KCNT2: variants seen among roughly 807,000 people sequenced by gnomAD.
KCNT2 encodes potassium channel subfamily T member 2.
In KCNT2, 67 loss-of-function variants were observed where a neutral mutation model predicts 153.8. The observed-to-expected ratio is 0.44, with a 90% CI of 0.36 to 0.53. KCNT2 has a LOEUF of 0.53. Ranked by LOEUF, KCNT2 falls within the 20% of genes least tolerant of loss-of-function variation. The pLI is 0.00. For missense variants in KCNT2, 975 were observed against 1,354.8 expected, an observed-to-expected ratio of 0.72 and a Z score of 4.40; for synonymous variants, 500 against 458.8, an observed-to-expected ratio of 1.09 and a Z score of -1.15.
intron 1 of KCNT2, among the ~76,000 whole-genome samples, chr1:196,560,795 T>G (rs1422385002): frequency 6.6e-6 from 1 of 152,014 alleles, no homozygotes; most frequent in African/African-American, 2.4e-5. Flanking sequence ...CCTTGTCCTC[T>G]TCCTTGAGGA....
intron 1 of KCNT2, among the ~76,000 whole-genome samples, chr1:196,548,808 T>C (rs1657483305): frequency 6.6e-6 from 1 of 152,088 alleles, no homozygotes; most frequent in African/African-American, 2.4e-5. Context: ...ATATACACCA[T>C]GGAATACTAT....
At chr1:196,319,349 A>C in intron 20 of KCNT2, 135 bp downstream of exon 20, 1 of 480,582 alleles carries the variant, frequency 2.1e-6, no homozygotes, top group East Asian at 3.2e-5. Flanking sequence ...CGAGAACATA[A>C]GCTCTACATG....
intron 1 of KCNT2, among the ~76,000 whole-genome samples, chr1:196,518,448 T>C (rs893878219): frequency 7.0e-6 from 1 of 143,484 alleles, no homozygotes; most frequent in Non-Finnish European, 1.5e-5. Flanking sequence ...AATCTCACCA[T>C]TTAAAAAGTA....
chr1:196,327,499 A>C (rs954207583), intron 18 of KCNT2, among the ~76,000 whole-genome samples: 2 of 152,126 alleles, frequency 1.3e-5, no homozygotes, highest in African/African-American at 4.8e-5. Flanking sequence ...AGAATTTGAC[A>C]GAATTAGCGT....
chr1:196,489,107 T>C (rs1572622052), intron 3 of KCNT2, among the ~76,000 whole-genome samples: 1 of 151,850 alleles, frequency 6.6e-6, no homozygotes, highest in African/African-American at 2.4e-5. Flanking sequence ...GGGAGAAGAA[T>C]GTTAAAAGCC....
chr1:196,445,368 T>C (rs991359430), intron 8 of KCNT2, among the ~76,000 whole-genome samples: 5 of 151,322 alleles, frequency 3.3e-5, no homozygotes, highest in Non-Finnish European at 7.4e-5. Context: ...CAAGACCAAA[T>C]AGTCTCTAGT....
intron 15 of KCNT2, 54 bp from the exon 16 acceptor site, chr1:196,340,624 C>A: frequency 9.3e-7 from 1 of 1,073,488 alleles, no homozygotes; most frequent in South Asian, 1.6e-5. Context: ...TATTGTAAGG[C>A]TGAGGAAAAT....
intron 26 of KCNT2, among the ~76,000 whole-genome samples, chr1:196,242,267 T>C (rs1398394114): frequency 6.6e-6 from 1 of 152,126 alleles, no homozygotes; most frequent in African/African-American, 2.4e-5. Flanking sequence ...TAAAAGGTTT[T>C]ATATGTGTTC....
chr1:196,257,353 G>T, intron 26 of KCNT2: 1 of 979,636 alleles, frequency 1.0e-6, no homozygotes, highest in Non-Finnish European at 1.2e-6. Context: ...ATTGCCTCAT[G>T]TTGAGATTTC....
At chr1:196,247,349 C>A (rs1425522001) in intron 26 of KCNT2, among the ~76,000 whole-genome samples, 1 of 152,088 alleles carries the variant, frequency 6.6e-6, no homozygotes, top group Non-Finnish European at 1.5e-5. Flanking sequence ...CTTCAACAGC[C>A]CTCTTTCAAT....
chr1:196,539,107 A>C (rs1242376589), intron 1 of KCNT2, among the ~76,000 whole-genome samples: 3 of 152,378 alleles, frequency 2.0e-5, no homozygotes, highest in Middle Eastern at 3.4e-3. Context: ...AACACAAAAA[A>C]TAAAAAATGA....
intron 17 of KCNT2, among the ~76,000 whole-genome samples, 183 bp from the exon 18 acceptor site, chr1:196,331,444 C>T (rs1558154613): frequency 1.3e-5 from 2 of 151,854 alleles, no homozygotes; most frequent in Non-Finnish European, 2.9e-5. Context: ...CAAATATGGC[C>T]CTCCACATGG....
chr1:196,392,584 T>C (rs1670586948), intron 13 of KCNT2, among the ~76,000 whole-genome samples: 1 of 151,420 alleles, frequency 6.6e-6, no homozygotes, highest in Non-Finnish European at 1.5e-5. Context: ...ATATGTTATT[T>C]AGAAACAGCT....
At chr1:196,343,162 T>C (rs1356304273) in intron 14 of KCNT2, 3 of 152,182 alleles carry the variant, frequency 2.0e-5, no homozygotes. Flanking sequence ...TAATTTGTAA[T>C]AACAGCCTGA....
intron 13 of KCNT2, among the ~76,000 whole-genome samples, chr1:196,377,495 A>G (rs577457715): frequency 1.3e-5 from 2 of 152,020 alleles, no homozygotes; most frequent in East Asian, 3.9e-4. Flanking sequence ...CCTACTACCC[A>G]TTTTCCTCTT....
At chr1:196,319,664 C>T in intron 19 of KCNT2, 109 bp from the exon 20 acceptor site, 1 of 536,750 alleles carries the variant, frequency 1.9e-6, no homozygotes, top group Non-Finnish European at 3.3e-6. Flanking sequence ...CTCAACACTG[C>T]TGACAAAATT....
At chr1:196,478,258 A>G (rs1393793736) in intron 5 of KCNT2, among the ~76,000 whole-genome samples, 5 of 152,158 alleles carry the variant, frequency 3.3e-5, no homozygotes, top group South Asian at 2.1e-4. Flanking sequence ...TTTTCCTTTC[A>G]TACTGCAACA....
chr1:196,535,718 T>C (rs1655466993), intron 1 of KCNT2, among the ~76,000 whole-genome samples: 1 of 152,178 alleles, frequency 6.6e-6, no homozygotes, highest in Non-Finnish European at 1.5e-5. Context: ...GCTTTTTCTC[T>C]CTGAGCATGA....
intron 1 of KCNT2, among the ~76,000 whole-genome samples, chr1:196,593,295 A>AAT (rs200795914): frequency 0.56 from 72,111 of 128,250 alleles, 21,494 homozygotes; most frequent in Non-Finnish European, 0.67. Context: ...TCATATATAT[A>AAT]ATATATATAT....
Sources: gnomAD v4.1 joint callset for allele counts (sites outside exome capture counted in the v4.1 genomes callset) on GRCh38, gnomAD v4.1.1 for gene constraint, MANE v1.5 for transcripts, NCBI Gene and HGNC (gene_info 2026-07-23, HGNC 2026-07-21) for gene names.